Variants in SLC1A1 observed in about 807,000 individuals in gnomAD.
The protein encoded by SLC1A1 is solute carrier family 1 member 1.
In SLC1A1, 43 loss-of-function variants were observed where a neutral mutation model predicts 53.3. The ratio of observed to expected loss-of-function variants is 0.81; its 90% CI spans 0.63 to 1.04. SLC1A1 has a LOEUF of 1.04. SLC1A1 is among the 50% of genes least tolerant of loss of function. The probability of loss-of-function intolerance (pLI) is 0.00; values close to 1 mark genes in which losing one functional copy is unlikely to be tolerated. For missense variants in SLC1A1, 748 were observed against 664.9 expected, an observed-to-expected ratio of 1.12 and a Z score of -1.37; for synonymous variants, 307 against 243.2, an observed-to-expected ratio of 1.26 and a Z score of -2.44.
chr9:4,518,164 G>A (rs1016496602), intron 1 of SLC1A1, among the ~76,000 whole-genome samples: 21 of 138,060 alleles, frequency 1.5e-4, no homozygotes, highest in African/African-American at 5.7e-4. Context: ...GAACCTGGGA[G>A]GCAGAGGTTG....
chr9:4,580,235 A>AAAAT (rs1554690255), intron 10 of SLC1A1, among the ~76,000 whole-genome samples: 5 of 149,434 alleles, frequency 3.3e-5, no homozygotes, highest in Non-Finnish European at 7.4e-5. Context: ...CATCTCAAAG[A>AAAAT]AAAGAAAGAA....
At chr9:4,494,688 C>T (rs574971991) in intron 1 of SLC1A1, among the ~76,000 whole-genome samples, 79 of 151,430 alleles carry the variant, frequency 5.2e-4, no homozygotes, top group African/African-American at 1.8e-3. Flanking sequence ...TATGTAAATT[C>T]TGAAGGAAGG....
intron 1 of SLC1A1, among the ~76,000 whole-genome samples, chr9:4,511,730 A>G (rs1821008151): frequency 6.6e-6 from 1 of 152,192 alleles, no homozygotes; most frequent in South Asian, 2.1e-4. Context: ...GGCCAGTGCA[A>G]CAGGGCAAGA....
In SLC1A1 at chr9:4,585,700, TTG is replaced by T; in HGVS notation, c.*143_*144del. The stretch of plus-strand genomic sequence containing the variant: ...CAGACCTCCAGATTATTTTCTATAT[TTG>T]GATTCACAGCCTTTGCGCTCTGGGT... On this transcript the variant is annotated 3_prime_UTR_variant, in exon 12 of 12. Transcript: ENST00000262352. 1 of 1,097,364 alleles carries T rather than the reference TTG, an allele frequency of 9.1e-7. No homozygotes were observed. Among genetic ancestry groups the T allele is most frequent in the Non-Finnish European group, 1.3e-6 (1 of 748,314 alleles). The allele number at this position is 1,097,364 out of a possible 1,614,324, so 68.0% of individuals were successfully genotyped here. A position where few individuals can be genotyped will look rare whatever the true frequency, so the allele number is the denominator to read the frequency against.
At chr9:4,546,480 A>T (rs1005351757) in intron 2 of SLC1A1, among the ~76,000 whole-genome samples, 6 of 152,142 alleles carry the variant, frequency 3.9e-5, no homozygotes, top group African/African-American at 1.4e-4. Context: ...CCACCTATCA[A>T]CGGTGGTCTG....
chr9:4,531,602 C>T lies in SLC1A1; in HGVS notation c.92-12965C>T, dbSNP rs144994328. On this transcript the variant is annotated intron_variant, in intron 1 of 11. Transcript: ENST00000262352. The stretch of plus-strand genomic sequence containing the variant: ...GCCCACTGCCCCTCAAGGAGGCCTG[C>T]CTGCCTCTGTACACTCCACCTCTAG... 2.2e-3 allele frequency among the ~76,000 whole-genome samples: 331 copies of T among 152,308 alleles called. 1 individual carries two copies. Among genetic ancestry groups the T allele is most frequent in the African/African-American group, 7.7e-3 (319 of 41,582 alleles).
At chr9:4,495,888 G>A (rs532860833) in intron 1 of SLC1A1, among the ~76,000 whole-genome samples, 2 of 152,272 alleles carry the variant, frequency 1.3e-5, no homozygotes, top group Admixed American at 6.5e-5. Flanking sequence ...CCTGGAAGGG[G>A]CACCGACTTG....
chr9:4,573,766 T>A, intron 7 of SLC1A1, 141 bp from the exon 8 acceptor site: 1 of 747,672 alleles, frequency 1.3e-6, no homozygotes, highest in Non-Finnish European at 2.5e-6. Context: ...AAACAACTCT[T>A]AGCTTCAATT....
intron 1 of SLC1A1, among the ~76,000 whole-genome samples, chr9:4,525,950 A>C (rs552806691): frequency 6.6e-6 from 1 of 152,338 alleles, no homozygotes; most frequent in Admixed American, 6.5e-5. Flanking sequence ...AATACCATAT[A>C]ATAATTCACA....
intron 2 of SLC1A1, among the ~76,000 whole-genome samples, chr9:4,547,039 G>A (rs941365280): frequency 2.6e-5 from 4 of 152,144 alleles, no homozygotes; most frequent in African/African-American, 9.7e-5. Context: ...TAGAAGAAAA[G>A]GTAAAAATAC....
intron 8 of SLC1A1, among the ~76,000 whole-genome samples, chr9:4,574,536 A>G (rs1465966411): frequency 2.0e-5 from 3 of 152,134 alleles, no homozygotes; most frequent in Non-Finnish European, 4.4e-5. Flanking sequence ...TGCCAGGAGA[A>G]TCTTGAGGCT....
chr9:4,527,479 G>A (rs1164466682), intron 1 of SLC1A1, among the ~76,000 whole-genome samples: 1 of 152,102 alleles, frequency 6.6e-6, no homozygotes, highest in Non-Finnish European at 1.5e-5. Context: ...TGCTGGTTTT[G>A]TTATGGCATT....
In SLC1A1 at chr9:4,532,782, T is replaced by C. The variant is rs530022130; in HGVS notation, c.92-11785T>C. On this transcript the variant is annotated intron_variant, in intron 1 of 11. Transcript: ENST00000262352. ...ATTGTCAGATTCACCAAAGTTGCAA[T>C]GAAGGAAAAAATGTTAAGGGCAGCC... Among the ~76,000 whole-genome samples, 39 of 151,916 alleles carry C rather than the reference T, an allele frequency of 2.6e-4. 1 individual carries two copies. The highest frequency in any genetic ancestry group is 5.3e-4 in the Non-Finnish European group (36 of 67,994).
In SLC1A1 at chr9:4,576,560, A is replaced by G. The variant is rs771402016; in HGVS notation, c.999-9A>G. The G allele has an allele frequency of 1.9e-6, 3 of 1,612,374 alleles. No homozygotes were observed. Among genetic ancestry groups the G allele is most frequent in the South Asian group, 1.1e-5 (1 of 91,056 alleles). ...TAGACATAAGTTCCTTTCTATTTTT[A>G]TCACACAGTTCAGCAACACTGCCTG... On this transcript the variant is annotated splice_polypyrimidine_tract_variant and intron_variant, in intron 9 of 11. Transcript: ENST00000262352.
chr9:4,582,947 A>G lies in SLC1A1; in HGVS notation c.1194-91A>G, dbSNP rs531630727. The G allele has an allele frequency of 3.7e-5, 57 of 1,520,622 alleles. 1 individual carries two copies. In the South Asian group the frequency reaches 5.4e-4, roughly 14 times the overall value. The allele number at this position is 1,520,622 out of a possible 1,614,324, so 94.2% of individuals were successfully genotyped here. ...ATTTAGGGACACAGCAGTAATAGCC[A>G]TCGGGACTAAGCGGGAGTAACCATT... is the stretch of plus-strand genomic sequence containing the variant. On this transcript the variant is annotated intron_variant, in intron 10 of 11. Transcript: ENST00000262352.
At chr9:4,516,230 T>C (rs1343074456) in intron 1 of SLC1A1, among the ~76,000 whole-genome samples, 3 of 152,158 alleles carry the variant, frequency 2.0e-5, no homozygotes, top group African/African-American at 7.2e-5. Context: ...CAGCATGAAC[T>C]TACCCAGAAC....
At chr9:4,521,837 A>G (rs1018990627) in intron 1 of SLC1A1, among the ~76,000 whole-genome samples, 3 of 152,110 alleles carry the variant, frequency 2.0e-5, no homozygotes, top group Non-Finnish European at 4.4e-5. Context: ...TATTTATTCA[A>G]GACCTTTACA....
chr9:4,521,566 G>T lies in SLC1A1; in HGVS notation c.92-23001G>T, dbSNP rs537837215. 3.3e-5 allele frequency among the ~76,000 whole-genome samples: 5 copies of T among 152,202 alleles called. No individual in the cohort carries two copies. The East Asian group carries it at 9.7e-4, about 29-fold the overall frequency. ...AATTGCTCTTAAAGAAAAATTCTGGGGCGGATGAACCCCATCATCATCCAG... is the reference window on the plus strand; with the variant it reads ...AATTGCTCTTAAAGAAAAATTCTGGTGCGGATGAACCCCATCATCATCCAG... On this transcript the variant is annotated intron_variant, in intron 1 of 11. Transcript: ENST00000262352.
At chr9:4,505,738 C>G (rs1259671533) in intron 1 of SLC1A1, among the ~76,000 whole-genome samples, 1 of 152,152 alleles carries the variant, frequency 6.6e-6, no homozygotes, top group Non-Finnish European at 1.5e-5. Context: ...CTCACTTCAA[C>G]CTTCACCTCC....
Sources: gnomAD v4.1 joint callset for allele counts (sites outside exome capture counted in the v4.1 genomes callset) on GRCh38, gnomAD v4.1.1 for gene constraint, MANE v1.5 for transcripts, NCBI Gene and HGNC (gene_info 2026-07-23, HGNC 2026-07-21) for gene names.